Variants in PLA1A observed in about 807,000 individuals in gnomAD.
PLA1A encodes phospholipase A1 member A, also known as phosphatidylserine-specific phospholipase A1alpha.
Under a neutral mutation model 49.4 loss-of-function variants are expected in PLA1A, and 47 were observed. That is an observed-to-expected ratio of 0.95 (90% CI 0.75 to 1.21). PLA1A has a LOEUF of 1.21. Ranked by LOEUF, PLA1A falls within the 50% of genes most tolerant of loss-of-function variation. The pLI, the probability that PLA1A is intolerant of heterozygous loss-of-function variation, is 0.00. For synonymous variants in PLA1A, 224 were observed against 207.9 expected, an observed-to-expected ratio of 1.08 and a Z score of -0.67; for missense variants, 561 against 563.9, an observed-to-expected ratio of 0.99 and a Z score of 0.05.
At position 119,629,372 on chromosome 3, in the gene PLA1A, C is replaced by A; in HGVS notation, c.1287-12C>A. On this transcript the variant is annotated splice_polypyrimidine_tract_variant and intron_variant, in intron 10 of 10. Transcript: ENST00000273371. Reference sequence around the variant, plus strand: ...CACCAGCCACTGCTCTCTTATTGCTCTTCTCTTCCAGAGAAAAGATGGTCT... The same window carrying A: ...CACCAGCCACTGCTCTCTTATTGCTATTCTCTTCCAGAGAAAAGATGGTCT... 6.5e-7 allele frequency: 1 copy of A among 1,546,116 alleles called. No homozygotes were observed. The highest frequency in any genetic ancestry group is 8.9e-7 in the Non-Finnish European group (1 of 1,117,880).
chr3:119,613,816 C>A (rs1442851634), intron 5 of PLA1A, among the ~76,000 whole-genome samples: 2 of 152,044 alleles, frequency 1.3e-5, no homozygotes. Context: ...TGGCGTGAAC[C>A]CGGGAGGCAG....
At chr3:119,624,549 A>G (rs2082989647) in intron 8 of PLA1A, among the ~76,000 whole-genome samples, 1 of 152,224 alleles carries the variant, frequency 6.6e-6, no homozygotes, top group Admixed American at 6.5e-5. Context: ...AACAAAAACT[A>G]ACATTACTGA....
At chr3:119,619,719 G>T in intron 8 of PLA1A, 67 bp downstream of exon 8, 1 of 1,067,022 alleles carries the variant, frequency 9.4e-7, no homozygotes, top group South Asian at 1.3e-5. Context: ...AGCCCAGTGT[G>T]GTAGCCTGGG....
At chr3:119,622,149 G>GGAAGAAGAAGAAGAAGAAGAA (rs59447645) in intron 8 of PLA1A, among the ~76,000 whole-genome samples, 12 of 126,236 alleles carry the variant, frequency 9.5e-5, no homozygotes, top group Non-Finnish European at 1.9e-4. Context: ...AGGAGGAGGA[G>GGAAGAAGAAGAAGAAGAAGAA]GAAGAAGAAG....
At chr3:119,623,635 A>C (rs187800134) in intron 8 of PLA1A, among the ~76,000 whole-genome samples, 77 of 151,908 alleles carry the variant, frequency 5.1e-4, no homozygotes, top group African/African-American at 1.8e-3. Context: ...AGTCTCCTAC[A>C]CACACAGCCT....
Position 119,625,121 on chromosome 3 carries a change from T to C in PLA1A, c.1013-3T>C. The C allele has an allele frequency of 6.2e-7, 1 of 1,601,410 alleles. No individual in the cohort carries two copies. Reference sequence around the variant, plus strand: ...CAGTCTCTGTTGTGCTTTGGTTTCCTAGTGCATCACAGCCTCGTGGAGTTT... The same window carrying C: ...CAGTCTCTGTTGTGCTTTGGTTTCCCAGTGCATCACAGCCTCGTGGAGTTT... On this transcript the variant is annotated splice_region_variant and splice_polypyrimidine_tract_variant and intron_variant, in intron 8 of 10. Coordinates refer to ENST00000273371, the MANE Select transcript of PLA1A (RefSeq NM_015900.4).
intron 6 of PLA1A, 152 bp from the exon 7 acceptor site, chr3:119,617,867 T>A: frequency 3.7e-6 from 2 of 539,784 alleles, no homozygotes; most frequent in Non-Finnish European, 6.5e-6. Flanking sequence ...GTAGTAACCA[T>A]GTACACTAAT....
chr3:119,617,748 A>AAAAG (rs1175342972), intron 6 of PLA1A, among the ~76,000 whole-genome samples: 9 of 151,648 alleles, frequency 5.9e-5, no homozygotes, highest in East Asian at 3.9e-4. Flanking sequence ...GTCTCAAAAA[A>AAAAG]AAAAGAAAAG....
At chr3:119,600,239 T>G (rs1489860285) in intron 1 of PLA1A, 1 of 605,964 alleles carries the variant, frequency 1.7e-6, no homozygotes, top group Non-Finnish European at 3.0e-6. Flanking sequence ...CTTTCCTGGC[T>G]GTGTACCCAC....
chr3:119,628,147 T>C (rs1307305575), intron 9 of PLA1A, among the ~76,000 whole-genome samples: 1 of 152,236 alleles, frequency 6.6e-6, no homozygotes, highest in Non-Finnish European at 1.5e-5. Context: ...AACTTACACC[T>C]AGTTGCTATG....
chr3:119,624,017 G>C (rs879620419), intron 8 of PLA1A, among the ~76,000 whole-genome samples: 1 of 152,164 alleles, frequency 6.6e-6, no homozygotes, highest in African/African-American at 2.4e-5. Flanking sequence ...GAGCCACCAC[G>C]CCTGACCTTA....
chr3:119,614,375 G>A (rs1021597780), intron 5 of PLA1A, among the ~76,000 whole-genome samples: 3 of 151,968 alleles, frequency 2.0e-5, no homozygotes, highest in Admixed American at 6.6e-5. Context: ...AGGCCAAGGC[G>A]GGTGGATCAC....
At chr3:119,613,817 C>T (rs942909097) in intron 5 of PLA1A, among the ~76,000 whole-genome samples, 93 of 151,642 alleles carry the variant, frequency 6.1e-4, no homozygotes, top group African/African-American at 2.2e-3. Flanking sequence ...GGCGTGAACC[C>T]GGGAGGCAGA....
chr3:119,617,683 C>T (rs2082867211), intron 6 of PLA1A, among the ~76,000 whole-genome samples: 1 of 151,158 alleles, frequency 6.6e-6, no homozygotes, highest in Non-Finnish European at 1.5e-5. Context: ...GCAGAGGTTG[C>T]AGTGGCCCAA....
intron 1 of PLA1A, chr3:119,600,235 TGGC>T (rs1223814803): frequency 1.7e-6 from 1 of 593,978 alleles, no homozygotes; most frequent in African/African-American, 1.9e-5. Context: ...CTCACTTTCC[TGGC>T]TGTGTACCCA....
At chr3:119,623,403 T>C (rs1010970324) in intron 8 of PLA1A, among the ~76,000 whole-genome samples, 4 of 152,192 alleles carry the variant, frequency 2.6e-5, no homozygotes, top group African/African-American at 9.6e-5. Context: ...CACCTTGGCC[T>C]CCCAAAGTAC....
intron 8 of PLA1A, among the ~76,000 whole-genome samples, chr3:119,623,726 T>C (rs1171494191): frequency 9.6e-5 from 14 of 145,576 alleles, no homozygotes; most frequent in East Asian, 7.9e-4. Context: ...TCTTTTTTTT[T>C]TTTTTTTTTT....
chr3:119,619,697 C>T (rs2082902098), intron 8 of PLA1A, 45 bp downstream of exon 8: 1 of 1,241,560 alleles, frequency 8.1e-7, no homozygotes, highest in Non-Finnish European at 1.2e-6. Context: ...CAGGGCACCA[C>T]CAGAGGAGTC....
chr3:119,626,667 G>A (rs1045695155), intron 9 of PLA1A, among the ~76,000 whole-genome samples: 4 of 152,134 alleles, frequency 2.6e-5, no homozygotes, highest in Non-Finnish European at 5.9e-5. Flanking sequence ...GATATTTCTC[G>A]GGTTGGGATG....
Sources: allele counts gnomAD v4.1 joint callset (sites outside exome capture counted in the v4.1 genomes callset), GRCh38; gene constraint gnomAD v4.1.1; transcripts MANE v1.5; gene names NCBI Gene and HGNC (gene_info 2026-07-23, HGNC 2026-07-21).